LCOR: variants seen among roughly 807,000 people sequenced by gnomAD.
LCOR encodes the protein ligand-dependent corepressor.
Under a neutral mutation model 64.4 loss-of-function variants are expected in LCOR, and 14 were observed. The observed-to-expected ratio is 0.22, with a 90% CI of 0.14 to 0.34. The LOEUF is 0.34. LCOR is among the 10% of genes least tolerant of loss of function. LCOR has a pLI of 1.00. For missense variants in LCOR, 1,686 were observed against 1,765.3 expected, an observed-to-expected ratio of 0.96 and a Z score of 0.80; for synonymous variants, 643 against 642.5, an observed-to-expected ratio of 1.00 and a Z score of -0.01.
In LCOR at chr10:96,984,701, G is replaced by A; in HGVS notation, c.4241G>A (p.Gly1414Glu). ...GSSPPDSKNK[G>E]PTVKASKEKH... ...AGCCCTCCAGATAGTAAGAACAAGGGGCCTACGGTGAAAGCCAGCAAAGAA... is the reference window on the plus strand; with the variant it reads ...AGCCCTCCAGATAGTAAGAACAAGGAGCCTACGGTGAAAGCCAGCAAAGAA... The change falls in exon 8 of 8, where the codon GGG (glycine) becomes GAG (glutamate). Residue 1414 changes from glycine to glutamate, a missense_variant. By Grantham distance (98) the Gly-to-Glu change is moderately conservative (BLOSUM62 -2). Coordinates refer to ENST00000421806, the MANE Select transcript of LCOR (RefSeq NM_001346516.2). 1 of 1,613,996 alleles carries A rather than the reference G, an allele frequency of 6.2e-7. No homozygotes were observed. The highest frequency in any genetic ancestry group is 2.2e-5 in the East Asian group (1 of 44,880).
intron 2 of LCOR, among the ~76,000 whole-genome samples, chr10:96,896,533 C>T (rs1352642209): frequency 1.3e-5 from 2 of 152,074 alleles, no homozygotes; most frequent in Non-Finnish European, 2.9e-5. Context: ...AAGCGATTCT[C>T]CCGCCTCAGC....
At chr10:96,936,255 A>G (rs976928702) in intron 4 of LCOR, among the ~76,000 whole-genome samples, 13 of 152,386 alleles carry the variant, frequency 8.5e-5, no homozygotes, top group South Asian at 2.1e-4. Context: ...AATGAGATGT[A>G]CTTAGCAGTA....
chr10:96,870,681 T>C (rs1236769836), intron 2 of LCOR, among the ~76,000 whole-genome samples: 1 of 152,236 alleles, frequency 6.6e-6, no homozygotes, highest in Non-Finnish European at 1.5e-5. Context: ...TTTTCTTCTA[T>C]TAAGATAAAA....
At position 96,988,235 on chromosome 10, in the gene LCOR, A is replaced by G. The variant is rs1848165587; in HGVS notation, c.*3101A>G. The G allele has an allele frequency of 6.6e-6, 1 of 152,228 alleles. No individual in the cohort carries two copies. The highest frequency in any genetic ancestry group is 2.4e-5 in the African/African-American group (1 of 41,440). 9.4% of individuals were successfully genotyped at this position (152,228 alleles called of 1,614,324 possible). On this transcript the variant is annotated 3_prime_UTR_variant, in exon 8 of 8. Transcript: ENST00000421806. Reference sequence around the variant, plus strand: ...ACCCCTAGCACTTCCTCAGACAGGTAACAATCTTGCAGCACAGCAGGAAGG... The same window carrying G: ...ACCCCTAGCACTTCCTCAGACAGGTGACAATCTTGCAGCACAGCAGGAAGG...
At chr10:96,942,809 T>A (rs945101643) in intron 4 of LCOR, among the ~76,000 whole-genome samples, 1 of 152,210 alleles carries the variant, frequency 6.6e-6, no homozygotes, top group Non-Finnish European at 1.5e-5. Flanking sequence ...CCAAGATATG[T>A]CCCATTTTCT....
intron 2 of LCOR, among the ~76,000 whole-genome samples, chr10:96,869,317 A>C (rs1355547874): frequency 6.6e-6 from 1 of 151,850 alleles, no homozygotes; most frequent in African/African-American, 2.4e-5. Flanking sequence ...GGTTCAAGTG[A>C]TTCTTGTGCC....
At chr10:96,875,886 A>T (rs898284640) in intron 2 of LCOR, among the ~76,000 whole-genome samples, 1 of 151,988 alleles carries the variant, frequency 6.6e-6, no homozygotes, top group South Asian at 2.1e-4. Flanking sequence ...AACAAAAAAC[A>T]CACATGGTCC....
intron 2 of LCOR, among the ~76,000 whole-genome samples, chr10:96,904,828 A>G (rs762554907): frequency 2.6e-5 from 4 of 152,202 alleles, no homozygotes; most frequent in Non-Finnish European, 5.9e-5. Context: ...AGCACGTCAG[A>G]CATTCCCTGT....
At chr10:96,939,808 A>G (rs1847417272) in intron 4 of LCOR, among the ~76,000 whole-genome samples, 1 of 152,202 alleles carries the variant, frequency 6.6e-6, no homozygotes, top group Non-Finnish European at 1.5e-5. Flanking sequence ...CTAAAAATAC[A>G]AAAAATCAGC....
chr10:96,958,504 TGA>T, intron 7 of LCOR: 1 of 820,004 alleles, frequency 1.2e-6, no homozygotes, highest in South Asian at 1.4e-5. Context: ...GATTGTAGGC[TGA>T]GAGTTGTAAA....
At chr10:96,953,457 G>A (rs114446542) in intron 7 of LCOR, among the ~76,000 whole-genome samples, 7,800 of 152,130 alleles carry the variant, frequency 0.051, 685 homozygotes, top group African/African-American at 0.18. Flanking sequence ...AGGCTGAGGT[G>A]GGACGATCGC....
Position 96,870,780 on chromosome 10 carries a change from A to G in LCOR, c.-329-36485A>G, listed in dbSNP as rs577181615. Among the ~76,000 whole-genome samples the G allele has an allele frequency of 2.3e-4, 35 of 152,212 alleles. 1 individual carries two copies. Among genetic ancestry groups the G allele is most frequent in the African/African-American group, 7.9e-4 (33 of 41,526 alleles). On this transcript the variant is annotated intron_variant, in intron 2 of 7. Transcript: ENST00000421806. ...CTCCTAGTCCTTCTTTAGTCATTCT[A>G]TTTAGAATCAAGTCGCTCATGAGTT...
chr10:96,982,587 T>A lies in LCOR; in HGVS notation c.2127T>A (p.Ser709Arg). 1 of 1,614,152 alleles carries A rather than the reference T, an allele frequency of 6.2e-7. No individual in the cohort carries two copies. The highest frequency in any genetic ancestry group is 8.5e-7 in the Non-Finnish European group (1 of 1,180,028). ...EESPQCSENQ[S>R]SPMGLEPPMS... ...GTCCTCAGTGCTCAGAAAATCAGAG[T>A]TCCCCAATGGGCTTGGAGCCCCCCA... The change falls in exon 8 of 8, where the codon AGT becomes AGA. Residue 709 changes from serine to arginine, a missense_variant. Physicochemically the swap from Ser to Arg is moderately radical, Grantham distance 110. Transcript: ENST00000421806.
chr10:96,832,429 C>T (rs1284311992), intron 1 of LCOR, 30 bp downstream of exon 1: 12 of 902,522 alleles, frequency 1.3e-5, no homozygotes, highest in East Asian at 1.2e-4. Context: ...GCCGCCGCCC[C>T]TCCGGCCGCC....
chr10:96,920,549 T>TATATATGTGTATATATGTATGTATATTC (rs1564626179), intron 4 of LCOR, among the ~76,000 whole-genome samples: 7 of 130,580 alleles, frequency 5.4e-5, no homozygotes, highest in African/African-American at 2.3e-4. Context: ...TGTATATTCA[T>TATATATGTGTATATATGTATGTATATTC]ATATATGTGT....
intron 2 of LCOR, among the ~76,000 whole-genome samples, chr10:96,834,226 C>A (rs1845400961): frequency 6.6e-6 from 1 of 152,204 alleles, no homozygotes; most frequent in Non-Finnish European, 1.5e-5. Context: ...TTTAAGGTAT[C>A]TGATACCAGT....
intron 2 of LCOR, among the ~76,000 whole-genome samples, chr10:96,881,734 G>A (rs1009386760): frequency 2.0e-5 from 3 of 152,148 alleles, no homozygotes; most frequent in East Asian, 3.8e-4. Flanking sequence ...TGGTATTACA[G>A]GCGTGAGCCA....
chr10:96,912,508 C>T (rs1846856597), intron 4 of LCOR, among the ~76,000 whole-genome samples: 2 of 152,308 alleles, frequency 1.3e-5, no homozygotes, highest in East Asian at 3.9e-4. Flanking sequence ...TTGTATCATT[C>T]TTCGTGCATC....
intron 2 of LCOR, among the ~76,000 whole-genome samples, chr10:96,837,670 T>C (rs2096159097): frequency 6.6e-6 from 1 of 152,186 alleles, no homozygotes; most frequent in South Asian, 2.1e-4. Context: ...CAGACCTATT[T>C]TTGGAATACC....
Sources: gnomAD v4.1 joint callset for allele counts (sites outside exome capture counted in the v4.1 genomes callset) on GRCh38, gnomAD v4.1.1 for gene constraint, MANE v1.5 for transcripts, NCBI Gene and HGNC (gene_info 2026-07-23, HGNC 2026-07-21) for gene names.